RBFOX1: variants seen among roughly 807,000 people sequenced by gnomAD.
RBFOX1 encodes RNA binding fox-1 homolog 1.
RBFOX1 carries 8 observed loss-of-function variants against 57.7 expected under a neutral mutation model. The observed-to-expected ratio is 0.14, with a 90% CI of 0.08 to 0.25. RBFOX1 has a LOEUF of 0.25. Among genes scored for constraint, RBFOX1 ranks in the 10% least tolerant of loss-of-function variants. RBFOX1 has a pLI of 1.00. For missense variants in RBFOX1, 611 were observed against 548.5 expected, an observed-to-expected ratio of 1.11 and a Z score of -1.14; for synonymous variants, 326 against 222.4, an observed-to-expected ratio of 1.47 and a Z score of -4.15.
At chr16:7,405,994 A>G (rs540799399) in intron 4 of RBFOX1, among the ~76,000 whole-genome samples, 10 of 152,276 alleles carry the variant, frequency 6.6e-5, no homozygotes, top group East Asian at 3.9e-4. Flanking sequence ...AGATGCTGCA[A>G]TTGATCCTGC....
chr16:6,609,181 A>G (rs1419300968), intron 2 of RBFOX1, among the ~76,000 whole-genome samples: 2 of 152,152 alleles, frequency 1.3e-5, no homozygotes, highest in Non-Finnish European at 2.9e-5. Context: ...ACAGACATGG[A>G]CATCTTTAGG....
At chr16:6,021,207 T>C (rs2095068589) in intron 1 of RBFOX1, among the ~76,000 whole-genome samples, 1 of 152,150 alleles carries the variant, frequency 6.6e-6, no homozygotes, top group Non-Finnish European at 1.5e-5. Flanking sequence ...ATAATGATTG[T>C]TTATTTTTAT....
intron 1 of RBFOX1, among the ~76,000 whole-genome samples, chr16:5,326,983 G>C (rs1029401094): frequency 1.6e-4 from 25 of 152,174 alleles, no homozygotes; most frequent in African/African-American, 5.5e-4. Context: ...TCCGTTCTTT[G>C]TAAAGCAGAA....
intron 2 of RBFOX1, among the ~76,000 whole-genome samples, chr16:6,396,523 C>T (rs1045732544): frequency 6.6e-6 from 1 of 152,236 alleles, no homozygotes; most frequent in Middle Eastern, 3.4e-3. Flanking sequence ...AAAAGAGGCT[C>T]TAGGGGAGCC....
At chr16:7,551,523 G>A (rs1278466780) in intron 5 of RBFOX1, among the ~76,000 whole-genome samples, 1 of 152,206 alleles carries the variant, frequency 6.6e-6, no homozygotes, top group African/African-American at 2.4e-5. Context: ...CTGTGCTACT[G>A]AGCTGACATT....
intron 4 of RBFOX1, among the ~76,000 whole-genome samples, chr16:5,942,205 T>C (rs1311467130): frequency 2.0e-5 from 3 of 152,186 alleles, no homozygotes; most frequent in Non-Finnish European, 1.5e-5. Context: ...TGGAGTTTTT[T>C]TTATTACTCA....
chr16:6,494,757 A>G (rs1315460795), intron 2 of RBFOX1, among the ~76,000 whole-genome samples: 1 of 152,220 alleles, frequency 6.6e-6, no homozygotes, highest in Non-Finnish European at 1.5e-5. Context: ...TGTTGCACCC[A>G]TTGGAAGTCA....
intron 1 of RBFOX1, among the ~76,000 whole-genome samples, chr16:5,439,341 T>A (rs1226794375): frequency 6.6e-6 from 1 of 152,140 alleles, no homozygotes; most frequent in Non-Finnish European, 1.5e-5. Flanking sequence ...ATGGAAGGGC[T>A]TTAAACAGGG....
intron 4 of RBFOX1, among the ~76,000 whole-genome samples, chr16:7,410,214 C>T (rs12051527): frequency 0.47 from 70,929 of 151,854 alleles, 16,824 homozygotes; most frequent in East Asian, 0.61. Context: ...CCGCTATGGT[C>T]CAGGCACAGT....
At chr16:6,014,605 C>A (rs1183326090), upstream of RBFOX1, among the ~76,000 whole-genome samples, 3 of 152,120 alleles carry the variant, frequency 2.0e-5, no homozygotes, top group African/African-American at 7.2e-5. Flanking sequence ...GCAATCCATT[C>A]CCCTGTGGTC....
At chr16:7,610,389 T>G (rs529291439) in intron 10 of RBFOX1, among the ~76,000 whole-genome samples, 1 of 152,008 alleles carries the variant, frequency 6.6e-6, no homozygotes, top group Admixed American at 6.5e-5. Flanking sequence ...TTATTTTTTT[T>G]TTTAATATTA....
intron 1 of RBFOX1, among the ~76,000 whole-genome samples, chr16:5,319,068 G>A (rs909415950): frequency 2.6e-5 from 4 of 152,042 alleles, no homozygotes; most frequent in African/African-American, 9.7e-5. Flanking sequence ...TGGAGGTTGC[G>A]GTGAGCCGAG....
rs1005311662 is a variant in RBFOX1 at position 6,097,960 on chromosome 16, C to A, written c.-127+77968C>A. Among the ~76,000 whole-genome samples the A allele has an allele frequency of 6.6e-6, 1 of 152,116 alleles. No homozygotes were observed. The highest frequency in any genetic ancestry group is 2.4e-5 in the African/African-American group (1 of 41,422). On this transcript the variant is annotated intron_variant, in intron 1 of 15. Transcript: ENST00000550418. The surrounding 1 kb of genome is among the most constrained non-coding windows in gnomAD (Gnocchi z 5.0). ...GCTTTTAAACCATAGATGATCAGGG[C>A]CCCTGCTTGGTCTAGGATGGAGCCT...
chr16:5,680,942 T>C (rs899090382), intron 3 of RBFOX1, among the ~76,000 whole-genome samples: 1 of 151,942 alleles, frequency 6.6e-6, no homozygotes, highest in African/African-American at 2.4e-5. Flanking sequence ...GTGCAGCAGC[T>C]ATAAAATTAG....
At chr16:6,140,470 A>C (rs920954048) in intron 1 of RBFOX1, among the ~76,000 whole-genome samples, 5 of 152,168 alleles carry the variant, frequency 3.3e-5, no homozygotes, top group African/African-American at 1.2e-4. Context: ...TGCTGGGATT[A>C]CAGGTGTGAG....
intron 1 of RBFOX1, among the ~76,000 whole-genome samples, chr16:6,144,394 A>G (rs1296886676): frequency 6.6e-6 from 1 of 152,116 alleles, no homozygotes. Flanking sequence ...CTCCTCAAGT[A>G]CCTTTTAATA....
At chr16:5,314,903 C>T (rs957241891) in intron 1 of RBFOX1, among the ~76,000 whole-genome samples, 2 of 149,916 alleles carry the variant, frequency 1.3e-5, no homozygotes, top group Non-Finnish European at 3.0e-5. Flanking sequence ...TATAACAACA[C>T]AGACAAAAAA....
chr16:5,787,405 C>G (rs1473722765), intron 3 of RBFOX1, among the ~76,000 whole-genome samples: 1 of 152,122 alleles, frequency 6.6e-6, no homozygotes, highest in Non-Finnish European at 1.5e-5. Context: ...CCTAGGACAT[C>G]CATTGTAAGC....
chr16:7,351,186 G>C (rs1344436281), intron 4 of RBFOX1, among the ~76,000 whole-genome samples: 4 of 152,214 alleles, frequency 2.6e-5, no homozygotes, highest in Non-Finnish European at 5.9e-5. Flanking sequence ...GATGGACCGA[G>C]GTTCCAGAGC....
Sources: gnomAD v4.1 joint callset for allele counts (sites outside exome capture counted in the v4.1 genomes callset) on GRCh38, gnomAD v4.1.1 for gene constraint, Gnocchi (gnomAD v3.1) non-coding constraint, MANE v1.5 for transcripts, NCBI Gene and HGNC (gene_info 2026-07-23, HGNC 2026-07-21) for gene names.